PTBP2: variants seen among roughly 807,000 people sequenced by gnomAD.
PTBP2 encodes the protein polypyrimidine tract binding protein 2.
PTBP2 carries 13 observed loss-of-function variants against 61.4 expected under a neutral mutation model. The ratio of observed to expected loss-of-function variants is 0.21; its 90% CI spans 0.14 to 0.34. The LOEUF (loss-of-function observed/expected upper bound fraction) is 0.34, where lower values mean the gene tolerates loss of function less well. Among genes scored for constraint, PTBP2 ranks in the 10% least tolerant of loss-of-function variants. The pLI is 1.00. For synonymous variants in PTBP2, 215 were observed against 218.5 expected, an observed-to-expected ratio of 0.98 and a Z score of 0.14; for missense variants, 405 against 642.6, an observed-to-expected ratio of 0.63 and a Z score of 4.00.
At chr1:96,750,294 C>T (rs891783715) in intron 2 of PTBP2, among the ~76,000 whole-genome samples, 16 of 151,944 alleles carry the variant, frequency 1.1e-4, no homozygotes, top group Admixed American at 1.0e-3. Flanking sequence ...AAAACTATGC[C>T]ATGCCAGATC....
intron 2 of PTBP2, among the ~76,000 whole-genome samples, chr1:96,742,822 T>C (rs148718593): frequency 1.2e-3 from 185 of 152,322 alleles, no homozygotes; most frequent in African/African-American, 4.0e-3. Context: ...TCTGCAGATA[T>C]ATCAGAATGT....
At chr1:96,790,350 G>C (rs1002754951) in intron 8 of PTBP2, among the ~76,000 whole-genome samples, 1 of 151,444 alleles carries the variant, frequency 6.6e-6, no homozygotes, top group Non-Finnish European at 1.5e-5. Context: ...CCCACTTTTA[G>C]TGATTTTAAT....
At chr1:96,802,817 G>T (rs1199851492) in intron 8 of PTBP2, among the ~76,000 whole-genome samples, 1 of 152,168 alleles carries the variant, frequency 6.6e-6, no homozygotes, top group Non-Finnish European at 1.5e-5. Flanking sequence ...ATAGAATGAT[G>T]TAACAATATA....
At chr1:96,721,909 G>T (rs1327972878) in intron 1 of PTBP2, 37 bp downstream of exon 1, 2 of 1,568,644 alleles carry the variant, frequency 1.3e-6, no homozygotes, top group Non-Finnish European at 1.7e-6. Flanking sequence ...GTGTGTGAGA[G>T]AGGAGTTGGA....
chr1:96,779,210 C>A (rs2101049042), intron 7 of PTBP2, among the ~76,000 whole-genome samples: 1 of 152,112 alleles, frequency 6.6e-6, no homozygotes, highest in South Asian at 2.1e-4. Flanking sequence ...TGATTATCCT[C>A]CTTTCACATG....
chr1:96,783,894 ACT>A (rs990301653), intron 7 of PTBP2, among the ~76,000 whole-genome samples: 2 of 151,864 alleles, frequency 1.3e-5, no homozygotes, highest in Non-Finnish European at 2.9e-5. Context: ...ATGTGTATGA[ACT>A]CTCTTTCAGT....
At chr1:96,725,128 C>T (rs1650216500) in intron 2 of PTBP2, among the ~76,000 whole-genome samples, 1 of 152,006 alleles carries the variant, frequency 6.6e-6, no homozygotes, top group Non-Finnish European at 1.5e-5. Context: ...GTTGTAGGTT[C>T]CATCCAAACA....
At chr1:96,763,595 G>T (rs1656292403) in intron 3 of PTBP2, among the ~76,000 whole-genome samples, 1 of 132,124 alleles carries the variant, frequency 7.6e-6, no homozygotes. Flanking sequence ...AGACCGTGGG[G>T]AGAGGAGGGA....
intron 3 of PTBP2, among the ~76,000 whole-genome samples, chr1:96,759,185 T>TA (rs1164827458): frequency 3.9e-5 from 6 of 152,192 alleles, no homozygotes; most frequent in South Asian, 2.1e-4. Context: ...GAAGGCTCAA[T>TA]ATGTTAACAT....
chr1:96,806,987 A>G (rs377247191), intron 11 of PTBP2, 29 bp downstream of exon 11: 98 of 1,503,730 alleles, frequency 6.5e-5, no homozygotes, highest in Non-Finnish European at 7.7e-5. Context: ...TTATCTATAC[A>G]TCTTCACTTC....
chr1:96,734,134 A>G lies in PTBP2; in HGVS notation c.39+10540A>G, dbSNP rs542043121. On this transcript the variant is annotated intron_variant, in intron 2 of 13. Coordinates refer to ENST00000674951, the MANE Select transcript of PTBP2 (RefSeq NM_021190.4). ...TGAGCAGTACTTCTTTTTTAAAACT[A>G]TTATAATGAATTTTAGACACAATAG... Among the ~76,000 whole-genome samples the G allele has an allele frequency of 2.6e-5, 4 of 152,266 alleles. No individual in the cohort carries two copies. The South Asian group carries it at 8.3e-4, about 32-fold the overall frequency.
Position 96,785,168 on chromosome 1 carries a change from C to T in PTBP2, c.818C>T (p.Thr273Ile), listed in dbSNP as rs1223225787. 1 of 1,611,164 alleles carries T rather than the reference C, an allele frequency of 6.2e-7. No individual in the cohort carries two copies. Among genetic ancestry groups the T allele is most frequent in the East Asian group, 2.2e-5 (1 of 44,688 alleles). Residue 273 changes from threonine (T) to isoleucine (I), a missense_variant, in exon 8 of 14, where the codon ACT becomes ATT. Thr to Ile is a moderately conservative substitution (Grantham distance 89, BLOSUM62 -1). Coordinates refer to ENST00000674951, the MANE Select transcript of PTBP2 (RefSeq NM_021190.4). Reference protein sequence around the residue: ...KYNNDKSRDYTRPDLPSGDGQ... With the variant: ...KYNNDKSRDYIRPDLPSGDGQ... Reference sequence around the variant, plus strand: ...AACAATGATAAAAGTAGGGATTATACTCGACCTGATCTTCCATCTGGGGAT... The same window carrying T: ...AACAATGATAAAAGTAGGGATTATATTCGACCTGATCTTCCATCTGGGGAT...
intron 2 of PTBP2, among the ~76,000 whole-genome samples, chr1:96,750,312 T>C (rs1422136010): frequency 1.3e-5 from 2 of 152,036 alleles, no homozygotes; most frequent in Non-Finnish European, 2.9e-5. Context: ...ATCTTCCATA[T>C]CTTGATTAGA....
intron 3 of PTBP2, among the ~76,000 whole-genome samples, chr1:96,762,864 G>GGGC (rs1222557522): frequency 6.6e-6 from 1 of 151,574 alleles, no homozygotes; most frequent in Admixed American, 6.6e-5. Flanking sequence ...TTCTCAGATG[G>GGGC]GGCGGCCGGG....
intron 2 of PTBP2, among the ~76,000 whole-genome samples, chr1:96,746,287 GT>G (rs1653756583): frequency 6.6e-6 from 1 of 152,018 alleles, no homozygotes; most frequent in African/African-American, 2.4e-5. Context: ...CTCACCAGTA[GT>G]GCGTAGGAGT....
intron 7 of PTBP2, among the ~76,000 whole-genome samples, chr1:96,778,461 C>T (rs540175354): frequency 2.6e-5 from 4 of 151,728 alleles, no homozygotes; most frequent in South Asian, 4.2e-4. Flanking sequence ...GTCATTGTTA[C>T]ATATGGAGGA....
intron 8 of PTBP2, among the ~76,000 whole-genome samples, chr1:96,786,289 A>C (rs273875): frequency 0.56 from 85,754 of 151,930 alleles, 24,589 homozygotes; most frequent in East Asian, 0.68. Flanking sequence ...GGTAACTAAT[A>C]AGAATTAACT....
intron 11 of PTBP2, among the ~76,000 whole-genome samples, chr1:96,808,896 G>C (rs775650799): frequency 1.3e-4 from 19 of 151,728 alleles, no homozygotes; most frequent in Non-Finnish European, 2.8e-4. Flanking sequence ...TATCAAACTT[G>C]GTATTTAAAA....
At chr1:96,750,881 A>G (rs188144627) in intron 2 of PTBP2, among the ~76,000 whole-genome samples, 1 of 152,210 alleles carries the variant, frequency 6.6e-6, no homozygotes, top group Admixed American at 6.5e-5. Flanking sequence ...AAAGAATTTT[A>G]AGACATGACC....
Sources: gnomAD v4.1 joint callset for allele counts (sites outside exome capture counted in the v4.1 genomes callset) on GRCh38, gnomAD v4.1.1 for gene constraint, MANE v1.5 for transcripts, NCBI Gene and HGNC (gene_info 2026-07-23, HGNC 2026-07-21) for gene names.